Variants in IMMP2L observed in about 807,000 individuals in gnomAD.
The protein encoded by IMMP2L is mitochondrial inner membrane protease subunit 2.
A neutral mutation model predicts 19.3 loss-of-function variants in IMMP2L; 18 were observed. That is an observed-to-expected ratio of 0.93 (90% CI 0.64 to 1.38). The LOEUF (loss-of-function observed/expected upper bound fraction) is 1.38, where lower values mean the gene tolerates loss of function less well. IMMP2L is among the 40% of genes most tolerant of loss of function. The pLI is 0.00. For missense variants in IMMP2L, 233 were observed against 218.2 expected, an observed-to-expected ratio of 1.07 and a Z score of -0.43; for synonymous variants, 76 against 73.0, an observed-to-expected ratio of 1.04 and a Z score of -0.21.
chr7:111,524,816 T>G (rs962686803), intron 1 of IMMP2L, among the ~76,000 whole-genome samples: 6 of 152,126 alleles, frequency 3.9e-5, no homozygotes, highest in African/African-American at 1.4e-4. Flanking sequence ...AGATCCTACT[T>G]TGTAACCTCT....
intron 3 of IMMP2L, among the ~76,000 whole-genome samples, chr7:111,277,566 T>TA (rs34068307): frequency 3.6e-4 from 49 of 136,464 alleles, no homozygotes; most frequent in East Asian, 6.4e-4. Flanking sequence ...TTGTCTCATT[T>TA]AAAAAAAAAA....
chr7:111,206,938 A>C (rs1810774889), intron 3 of IMMP2L, among the ~76,000 whole-genome samples: 1 of 152,208 alleles, frequency 6.6e-6, no homozygotes, highest in Non-Finnish European at 1.5e-5. Context: ...AAATAAGTGG[A>C]TAAAAAAAAG....
intron 3 of IMMP2L, among the ~76,000 whole-genome samples, chr7:111,468,436 T>C (rs1216274325): frequency 6.6e-6 from 1 of 152,160 alleles, no homozygotes; most frequent in Non-Finnish European, 1.5e-5. Context: ...ATACTATCCA[T>C]ATTGGATGGC....
intron 3 of IMMP2L, among the ~76,000 whole-genome samples, chr7:111,139,929 T>C (rs936009658): frequency 1.3e-5 from 2 of 152,270 alleles, no homozygotes; most frequent in South Asian, 4.1e-4. Context: ...GAAACTCTAA[T>C]TTTTAATTCT....
At chr7:111,325,474 A>G (rs1010216682) in intron 3 of IMMP2L, among the ~76,000 whole-genome samples, 1 of 151,898 alleles carries the variant, frequency 6.6e-6, no homozygotes, top group Admixed American at 6.6e-5. Flanking sequence ...CCATATTAGT[A>G]AATGAATTCC....
intron 5 of IMMP2L, among the ~76,000 whole-genome samples, chr7:110,848,939 G>GA (rs1319684199): frequency 6.6e-6 from 1 of 152,080 alleles, no homozygotes; most frequent in Admixed American, 6.6e-5. Flanking sequence ...TAAAAAGTCA[G>GA]AGCACAGGGA....
chr7:111,058,672 A>T (rs1793732805), intron 3 of IMMP2L, among the ~76,000 whole-genome samples: 1 of 152,204 alleles, frequency 6.6e-6, no homozygotes, highest in Admixed American at 6.5e-5. Context: ...GAACTCACAA[A>T]TTATATCAGC....
intron 3 of IMMP2L, among the ~76,000 whole-genome samples, chr7:111,287,358 C>T (rs1017626478): frequency 1.3e-5 from 2 of 152,118 alleles, no homozygotes; most frequent in Admixed American, 1.3e-4. Flanking sequence ...AGGAAAACAT[C>T]TGCAAACCCT....
chr7:111,011,420 T>A (rs541472000), intron 3 of IMMP2L, among the ~76,000 whole-genome samples: 2 of 152,076 alleles, frequency 1.3e-5, no homozygotes, highest in African/African-American at 4.8e-5. Context: ...TACCCAAAAA[T>A]GCATGCACAA....
At chr7:110,723,980 G>A (rs1210927079) in intron 5 of IMMP2L, among the ~76,000 whole-genome samples, 2 of 151,866 alleles carry the variant, frequency 1.3e-5, no homozygotes, top group Non-Finnish European at 2.9e-5. Context: ...GAGCTTATAA[G>A]TAATTTATAT....
At chr7:110,940,087 G>A (rs926597787) in intron 4 of IMMP2L, among the ~76,000 whole-genome samples, 1 of 152,050 alleles carries the variant, frequency 6.6e-6, no homozygotes, top group Non-Finnish European at 1.5e-5. Context: ...GGGAGGCCGA[G>A]GTGGGAGGAT....
At chr7:111,065,986 ATTT>A (rs57080906) in intron 3 of IMMP2L, among the ~76,000 whole-genome samples, 2,845 of 101,368 alleles carry the variant, frequency 0.028, 52 homozygotes, top group South Asian at 0.098. Context: ...GCAGGCTGTA[ATTT>A]TTTTTTTTTT....
chr7:110,943,621 G>GA (rs776128322), intron 4 of IMMP2L, among the ~76,000 whole-genome samples: 12 of 151,710 alleles, frequency 7.9e-5, no homozygotes, highest in African/African-American at 1.4e-4. Context: ...TTCCCTGCAG[G>GA]AAAAAAAATA....
intron 3 of IMMP2L, among the ~76,000 whole-genome samples, chr7:111,322,012 C>T (rs1046862791): frequency 1.3e-5 from 2 of 151,856 alleles, no homozygotes; most frequent in African/African-American, 4.8e-5. Flanking sequence ...TATTTTAAAA[C>T]CCTGTGTATA....
At chr7:111,003,968 T>C (rs570208902) in intron 3 of IMMP2L, among the ~76,000 whole-genome samples, 1 of 152,220 alleles carries the variant, frequency 6.6e-6, no homozygotes, top group South Asian at 2.1e-4. Context: ...ACCTAGTACC[T>C]ATTGATAAGT....
chr7:111,334,399 TC>T (rs1265304381), intron 3 of IMMP2L, among the ~76,000 whole-genome samples: 1 of 152,106 alleles, frequency 6.6e-6, no homozygotes, highest in African/African-American at 2.4e-5. Context: ...AGGATTTCAT[TC>T]TTTTTTATGG....
chr7:111,062,007 A>G (rs1794060282), intron 3 of IMMP2L, among the ~76,000 whole-genome samples: 1 of 152,156 alleles, frequency 6.6e-6, no homozygotes, highest in South Asian at 2.1e-4. Context: ...CACCTTTAGC[A>G]TCTCAGATTT....
rs117532004 is a variant in IMMP2L at position 110,859,737 on chromosome 7, G to A, written c.408+26856C>T. 4.9e-4 allele frequency among the ~76,000 whole-genome samples: 73 copies of A among 148,696 alleles called. 2 individuals are homozygous for A. The East Asian group carries it at 0.014, about 28-fold the overall frequency. ...GGCCTGGGTACCTGGGTGACAGAGTGAGACCCTGTCTCAAAAAAAAAAAAA... is the reference window on the plus strand; with the variant it reads ...GGCCTGGGTACCTGGGTGACAGAGTAAGACCCTGTCTCAAAAAAAAAAAAA... On this transcript the variant is annotated intron_variant, in intron 5 of 5. Coordinates refer to ENST00000405709, the MANE Select transcript of IMMP2L (RefSeq NM_032549.4).
intron 5 of IMMP2L, among the ~76,000 whole-genome samples, chr7:110,807,231 C>T (rs979185742): frequency 6.6e-6 from 1 of 151,972 alleles, no homozygotes; most frequent in South Asian, 2.1e-4. Context: ...TCTTCTAGTC[C>T]CTATGGAGTC....
Sources: allele counts gnomAD v4.1 joint callset (sites outside exome capture counted in the v4.1 genomes callset), GRCh38; gene constraint gnomAD v4.1.1; transcripts MANE v1.5; gene names NCBI Gene and HGNC (gene_info 2026-07-23, HGNC 2026-07-21).